ADCY2: variants seen among roughly 807,000 people sequenced by gnomAD.
The protein encoded by ADCY2 is adenylate cyclase type 2.
Under a neutral mutation model 125.2 loss-of-function variants are expected in ADCY2, and 31 were observed. The ratio of observed to expected loss-of-function variants is 0.25; its 90% CI spans 0.19 to 0.33. The LOEUF is 0.33. ADCY2 is among the 10% of genes least tolerant of loss of function. ADCY2 has a pLI of 1.00. For synonymous variants in ADCY2, 512 were observed against 548.4 expected, an observed-to-expected ratio of 0.93 and a Z score of 0.93; for missense variants, 904 against 1,418.2, an observed-to-expected ratio of 0.64 and a Z score of 5.82.
At chr5:7,769,603 T>G (rs1481517926) in intron 17 of ADCY2, among the ~76,000 whole-genome samples, 1 of 152,196 alleles carries the variant, frequency 6.6e-6, no homozygotes, top group Non-Finnish European at 1.5e-5. Flanking sequence ...GGTGTATTAT[T>G]TCTCTAGTGG....
chr5:7,580,681 C>T (rs1736400308), intron 3 of ADCY2, among the ~76,000 whole-genome samples: 1 of 152,006 alleles, frequency 6.6e-6, no homozygotes, highest in South Asian at 2.1e-4. Context: ...GAAATAATGG[C>T]TAAATTTGTC....
intron 4 of ADCY2, among the ~76,000 whole-genome samples, chr5:7,666,040 A>G (rs186597933): frequency 0.038 from 5,685 of 149,854 alleles, 291 homozygotes; most frequent in African/African-American, 0.11. Context: ...GGGTTTCACC[A>G]TGTTAGCCAG....
intron 22 of ADCY2, among the ~76,000 whole-genome samples, chr5:7,810,746 G>A (rs541744431): frequency 6.6e-6 from 1 of 152,190 alleles, no homozygotes; most frequent in South Asian, 2.1e-4. Flanking sequence ...AGAAGCAACT[G>A]TTCATTAGAC....
At chr5:7,477,442 T>C (rs1053406031) in intron 2 of ADCY2, among the ~76,000 whole-genome samples, 3 of 152,158 alleles carry the variant, frequency 2.0e-5, no homozygotes, top group Non-Finnish European at 4.4e-5. Context: ...AACCTTGAGT[T>C]GGAAGGTAAA....
intron 2 of ADCY2, among the ~76,000 whole-genome samples, chr5:7,432,502 G>C (rs537215398): frequency 3.9e-5 from 6 of 152,158 alleles, no homozygotes; most frequent in Non-Finnish European, 7.4e-5. Flanking sequence ...CATTCACCCT[G>C]GCTCCTGGAC....
chr5:7,637,329 A>T (rs985966138), intron 4 of ADCY2, among the ~76,000 whole-genome samples: 3 of 148,698 alleles, frequency 2.0e-5, no homozygotes, highest in African/African-American at 7.4e-5. Flanking sequence ...AATTAGCCAG[A>T]TGTGGTGGTG....
Position 7,802,551 on chromosome 5 carries a change from G to C in ADCY2, c.2775+187G>C, listed in dbSNP as rs527343381. Among the ~76,000 whole-genome samples the C allele has an allele frequency of 6.6e-6, 1 of 152,310 alleles. No homozygotes were observed. The highest frequency in any genetic ancestry group is 2.1e-4 in the South Asian group (1 of 4,826). ...CTAATTTAAGGTAGACAAATACATT[G>C]TATTTTTGAAGCTGGTATGACTGCT... On this transcript the variant is annotated intron_variant, in intron 21 of 24. Transcript: ENST00000338316. This position sits in a 1 kb window ranked among gnomAD's most constrained non-coding sequence, Gnocchi z 4.6.
chr5:7,643,046 T>C (rs1369889156), intron 4 of ADCY2, among the ~76,000 whole-genome samples: 1 of 152,000 alleles, frequency 6.6e-6, no homozygotes, highest in Non-Finnish European at 1.5e-5. Context: ...TTTTTTTAAA[T>C]CCTTTTTCTT....
chr5:7,472,360 T>G (rs1742372935), intron 2 of ADCY2, among the ~76,000 whole-genome samples: 1 of 152,186 alleles, frequency 6.6e-6, no homozygotes. Flanking sequence ...ATCTCTAGCA[T>G]TGTAATTTTT....
intron 16 of ADCY2, among the ~76,000 whole-genome samples, chr5:7,762,908 G>A (rs1241197205): frequency 3.3e-5 from 5 of 152,032 alleles, no homozygotes; most frequent in South Asian, 2.1e-4. Context: ...TTTAAGTCAC[G>A]GGGAAGAACA....
intron 2 of ADCY2, among the ~76,000 whole-genome samples, chr5:7,438,026 G>C (rs540558174): frequency 6.9e-4 from 105 of 152,256 alleles, no homozygotes; most frequent in Non-Finnish European, 1.3e-3. Context: ...AGAAATGTGT[G>C]GCATTTTCAT....
chr5:7,798,332 T>C (rs962303203), intron 20 of ADCY2: 1 of 152,160 alleles, frequency 6.6e-6, no homozygotes, highest in African/African-American at 2.4e-5. Context: ...GAAAGCCAGG[T>C]TTGAGTATTC....
At chr5:7,530,377 G>T (rs1331618203) in intron 3 of ADCY2, among the ~76,000 whole-genome samples, 1 of 152,146 alleles carries the variant, frequency 6.6e-6, no homozygotes, top group East Asian at 1.9e-4. Flanking sequence ...ACATGTGTAA[G>T]ACTGTCAGAG....
chr5:7,412,326 G>A (rs971174976), intron 1 of ADCY2, among the ~76,000 whole-genome samples: 3 of 152,158 alleles, frequency 2.0e-5, no homozygotes, highest in African/African-American at 4.8e-5. Context: ...TAGGAAATAG[G>A]TTTCCTGATT....
chr5:7,511,931 A>T (rs1043512731), intron 2 of ADCY2, among the ~76,000 whole-genome samples: 3 of 151,892 alleles, frequency 2.0e-5, no homozygotes, highest in African/African-American at 4.8e-5. Context: ...ACAGAAAATC[A>T]TTGGAGGGGC....
At chr5:7,617,096 G>A (rs573921654) in intron 3 of ADCY2, among the ~76,000 whole-genome samples, 1 of 152,270 alleles carries the variant, frequency 6.6e-6, no homozygotes, top group East Asian at 1.9e-4. Context: ...CGTTATAAAA[G>A]GGAGTTAATC....
At chr5:7,411,905 C>T (rs367937184) in intron 1 of ADCY2, among the ~76,000 whole-genome samples, 152 of 152,214 alleles carry the variant, frequency 1.0e-3, no homozygotes, top group African/African-American at 3.2e-3. Flanking sequence ...GAAACCCCGT[C>T]TCTACTAAAA....
intron 22 of ADCY2, among the ~76,000 whole-genome samples, chr5:7,812,499 G>A (rs973605533): frequency 6.6e-6 from 1 of 152,188 alleles, no homozygotes; most frequent in Non-Finnish European, 1.5e-5. Context: ...GTCATGTCAA[G>A]CAGAGTGACA....
intron 16 of ADCY2, among the ~76,000 whole-genome samples, chr5:7,763,157 G>A (rs183266399): frequency 6.6e-6 from 1 of 151,936 alleles, no homozygotes; most frequent in Non-Finnish European, 1.5e-5. Context: ...GCAGTGGCGG[G>A]ATCTCGGCTC....
Sources: allele counts gnomAD v4.1 joint callset (sites outside exome capture counted in the v4.1 genomes callset), GRCh38; gene constraint gnomAD v4.1.1; non-coding constraint Gnocchi (gnomAD v3.1); transcripts MANE v1.5; gene names NCBI Gene and HGNC (gene_info 2026-07-23, HGNC 2026-07-21).